The following DPP8 variants were observed in gnomAD, a reference collection of about 807,000 sequenced individuals.
DPP8 encodes the protein DPP VIII.
DPP8 carries 31 observed loss-of-function variants against 107.5 expected under a neutral mutation model. The ratio of observed to expected loss-of-function variants is 0.29; its 90% confidence interval spans 0.22 to 0.39. The LOEUF is 0.39. Ranked by LOEUF, DPP8 falls within the 10% of genes least tolerant of loss-of-function variation. The pLI is 1.00. For synonymous variants in DPP8, 381 were observed against 356.6 expected (o/e 1.07, Z -0.77); for missense variants, 842 against 1,076.1 (o/e 0.78, Z 3.04).
At chr15:65,482,502 G>A (rs1029288191) in intron 8 of DPP8, among the ~76,000 whole-genome samples, 6 of 152,068 alleles carry the variant, frequency 3.9e-5, no homozygotes, top group Non-Finnish European at 5.9e-5. Context: ...GGCTGGTCTC[G>A]AATTCCTGAC....
intron 5 of DPP8, among the ~76,000 whole-genome samples, chr15:65,491,482 C>T (rs1367437731): frequency 2.0e-5 from 3 of 152,140 alleles, no homozygotes; most frequent in Admixed American, 6.6e-5. Flanking sequence ...GGCCCAGTCC[C>T]AACACAGAAA....
At chr15:65,469,364 C>T (rs943820114) in intron 12 of DPP8, among the ~76,000 whole-genome samples, 4 of 151,710 alleles carry the variant, frequency 2.6e-5, no homozygotes, top group African/African-American at 9.7e-5. Flanking sequence ...CAATAAAAAG[C>T]TCATAGGCAG....
intron 12 of DPP8, among the ~76,000 whole-genome samples, chr15:65,473,995 T>C (rs1246747041): frequency 1.3e-5 from 2 of 152,046 alleles, no homozygotes; most frequent in Non-Finnish European, 2.9e-5. Flanking sequence ...TCCCAGCTAC[T>C]TGGGAGGCAG....
intron 12 of DPP8, among the ~76,000 whole-genome samples, chr15:65,472,935 G>A (rs352469): frequency 0.06 from 9,172 of 152,154 alleles, 276 homozygotes; most frequent in African/African-American, 0.082. Context: ...CTACCTGGGA[G>A]GCTGAGGTGG....
In DPP8 at chr15:65,444,285, A is replaced by T. The variant is rs1333304456; in HGVS notation, c.*2599T>A. 6.6e-6 allele frequency: 1 copy of T among 152,184 alleles called. No individual in the cohort carries two copies. Among genetic ancestry groups the T allele is most frequent in the Non-Finnish European group, 1.5e-5 (1 of 68,030 alleles). The allele number at this position is 152,184 out of a possible 1,614,324, so 9.4% of individuals were successfully genotyped here. A position where few individuals can be genotyped will look rare whatever the true frequency, so the allele number is the denominator to read the frequency against. ...TTTCTTTTAGAAGTATCCCAGATGA[A>T]TCTTAGATTTTGAGTTCCACTACTC... On this transcript the variant is annotated 3_prime_UTR_variant, in exon 20 of 20. Transcript: ENST00000300141.
In DPP8 at chr15:65,481,563, T is replaced by A; in HGVS notation, c.1070A>T (p.Glu357Val). The part of the protein sequence containing the change: ...ELIQPFEILF[E>V]GVEYIARAGW... Reference sequence around the variant, plus strand: ...AGCTCTGGCAATATATTCAACTCCTTCAAATAGAATCTCAAAAGGTTGAAT... The same window carrying A: ...AGCTCTGGCAATATATTCAACTCCTACAAATAGAATCTCAAAAGGTTGAAT... Residue 357 changes from glutamate (E) to valine (V), a missense_variant, in exon 9 of 20, where the codon GAA becomes GTA. Glu to Val is a moderately radical substitution (Grantham distance 121). Transcript: ENST00000300141. 1.9e-6 allele frequency: 3 copies of A among 1,592,946 alleles called. No homozygotes were observed. Among genetic ancestry groups the A allele is most frequent in the Non-Finnish European group, 8.5e-7 (1 of 1,171,784 alleles).
At chr15:65,485,258 T>A in intron 7 of DPP8, 98 bp from the exon 8 acceptor site, 1 of 948,112 alleles carries the variant, frequency 1.1e-6, no homozygotes, top group Non-Finnish European at 1.7e-6. Flanking sequence ...AAGAATAACG[T>A]ATAGGTCGGG....
chr15:65,478,733 G>A (rs892069103), intron 11 of DPP8, 147 bp downstream of exon 11: 1 of 569,844 alleles, frequency 1.8e-6, no homozygotes. Context: ...ACACATACAT[G>A]TATTTATGTT....
intron 15 of DPP8, chr15:65,458,800 C>T (rs1172786174): frequency 6.6e-6 from 1 of 152,012 alleles, no homozygotes. Context: ...ACAGTTTTGA[C>T]CACATGAACA....
At chr15:65,497,187 G>A (rs545853956) in intron 5 of DPP8, among the ~76,000 whole-genome samples, 14 of 151,710 alleles carry the variant, frequency 9.2e-5, no homozygotes, top group Admixed American at 5.3e-4. Flanking sequence ...CACCACGCCC[G>A]GCCTCAAGTA....
At chr15:65,481,083 C>CAA (rs61413262) in intron 9 of DPP8, among the ~76,000 whole-genome samples, 38 of 147,454 alleles carry the variant, frequency 2.6e-4, no homozygotes, top group East Asian at 1.2e-3. Context: ...GACCATGACT[C>CAA]AAAAAAAAAA....
At chr15:65,450,320 C>T (rs12904633) in intron 19 of DPP8, among the ~76,000 whole-genome samples, 1,978 of 152,120 alleles carry the variant, frequency 0.013, 10 homozygotes, top group Non-Finnish European at 0.018. Flanking sequence ...TCATATCTTA[C>T]ATGAGAAATA....
chr15:65,463,416 C>G (rs542166101), intron 15 of DPP8, among the ~76,000 whole-genome samples: 15 of 152,214 alleles, frequency 9.9e-5, no homozygotes, highest in African/African-American at 3.6e-4. Flanking sequence ...GTGATGTATG[C>G]CTGTAATCCC....
intron 3 of DPP8, among the ~76,000 whole-genome samples, chr15:65,503,592 C>G (rs1164622659): frequency 1.3e-5 from 2 of 151,696 alleles, no homozygotes; most frequent in African/African-American, 2.4e-5. Context: ...AGGCGCTGCA[C>G]CCCCACCGCC....
intron 10 of DPP8, among the ~76,000 whole-genome samples, chr15:65,479,842 C>G (rs1011978615): frequency 9.0e-6 from 1 of 110,610 alleles, no homozygotes; most frequent in African/African-American, 4.2e-5. Flanking sequence ...CAGAGCGAGA[C>G]TCCGTCTCAA....
At chr15:65,451,481 CATT>C (rs1345058004) in intron 18 of DPP8, among the ~76,000 whole-genome samples, 1 of 152,084 alleles carries the variant, frequency 6.6e-6, no homozygotes, top group Non-Finnish European at 1.5e-5. Context: ...TGTAAAGAAA[CATT>C]ATATGAATTG....
At chr15:65,473,738 T>G (rs914567955) in intron 12 of DPP8, among the ~76,000 whole-genome samples, 1 of 152,106 alleles carries the variant, frequency 6.6e-6, no homozygotes, top group African/African-American at 2.4e-5. Flanking sequence ...ATAAATGAGA[T>G]TTATCATTTA....
Position 65,445,580 on chromosome 15 carries a change from G to A in DPP8, c.*1304C>T, listed in dbSNP as rs2140281432. 6.5e-6 allele frequency: 1 copy of A among 153,542 alleles called. No homozygotes were observed. Among genetic ancestry groups the A allele is most frequent in the East Asian group, 1.9e-4 (1 of 5,184 alleles). The allele number at this position is 153,542 out of a possible 1,614,324, so 9.5% of individuals were successfully genotyped here. On this transcript the variant is annotated 3_prime_UTR_variant, in exon 20 of 20. Coordinates refer to ENST00000300141, the MANE Select transcript of DPP8 (RefSeq NM_130434.5). ...AAAAAAGAGAGCCATGGCTTGCCAGGGATTAGTTTATGGTAAAGAGGTTAT... is the reference window on the plus strand; with the variant it reads ...AAAAAAGAGAGCCATGGCTTGCCAGAGATTAGTTTATGGTAAAGAGGTTAT...
intron 11 of DPP8, among the ~76,000 whole-genome samples, chr15:65,476,601 C>T (rs1161481378): frequency 6.6e-6 from 1 of 152,112 alleles, no homozygotes; most frequent in African/African-American, 2.4e-5. Flanking sequence ...GTTGGTGTTC[C>T]AATGGTGTAG....
Sources: allele counts gnomAD v4.1 joint callset (sites outside exome capture counted in the v4.1 genomes callset), GRCh38; gene constraint gnomAD v4.1.1; transcripts MANE v1.5; gene names NCBI Gene and HGNC (gene_info 2026-07-23, HGNC 2026-07-21).